Variants in TENM3 observed in about 807,000 individuals in gnomAD.
TENM3 encodes the protein teneurin-3.
A neutral mutation model predicts 255.1 loss-of-function variants in TENM3; 63 were observed. The observed-to-expected ratio is 0.25, with a 90% confidence interval of 0.20 to 0.30. TENM3 has a LOEUF of 0.30. Among genes scored for constraint, TENM3 ranks in the 10% least tolerant of loss-of-function variants. The pLI is 1.00. For synonymous variants in TENM3, 1,306 were observed against 1,322.3 expected, an observed-to-expected ratio of 0.99 and a Z score of 0.27; for missense variants, 2,929 against 3,461.1, an observed-to-expected ratio of 0.85 and a Z score of 3.86.
intron 2 of TENM3, among the ~76,000 whole-genome samples, chr4:182,334,871 C>G (rs754662331): frequency 1.2e-4 from 18 of 152,126 alleles, no homozygotes; most frequent in Non-Finnish European, 2.1e-4. Flanking sequence ...ATAGGAATGA[C>G]TTGAGCCATG....
At chr4:181,995,596 A>G in the TENM3 span, among the ~76,000 whole-genome samples, 1 of 152,174 alleles carries the variant, frequency 6.6e-6, no homozygotes, top group South Asian at 2.1e-4. Flanking sequence ...GGTTGTCCTA[A>G]GCTTAATTAA....
the TENM3 span, among the ~76,000 whole-genome samples, chr4:181,901,952 C>A: frequency 1.3e-5 from 2 of 151,988 alleles, no homozygotes; most frequent in Non-Finnish European, 2.9e-5. Flanking sequence ...GGAATTTTCA[C>A]TCATGTGACT....
chr4:182,023,568 T>C, the TENM3 span, among the ~76,000 whole-genome samples: 1 of 152,198 alleles, frequency 6.6e-6, no homozygotes, highest in Non-Finnish European at 1.5e-5. Context: ...CCCTCCTGGT[T>C]TATGACAGCA....
chr4:181,697,614 G>A, the TENM3 span, among the ~76,000 whole-genome samples: 3 of 151,886 alleles, frequency 2.0e-5, no homozygotes, highest in East Asian at 5.9e-4. Flanking sequence ...GGATGGTCTC[G>A]ATCTCCTGAC....
At chr4:181,944,767 C>T in the TENM3 span, among the ~76,000 whole-genome samples, 1 of 152,134 alleles carries the variant, frequency 6.6e-6, no homozygotes, top group African/African-American at 2.4e-5. Context: ...GGCCACCCTC[C>T]TAAGTGTTTG....
chr4:181,544,408 T>TCAAAAAAAAAA, the TENM3 span, among the ~76,000 whole-genome samples: 1 of 68,674 alleles, frequency 1.5e-5, no homozygotes. Flanking sequence ...CCTTCAGGAT[T>TCAAAAAAAAAA]AAAAAAAAAA....
chr4:181,827,242 G>T, the TENM3 span, among the ~76,000 whole-genome samples: 8 of 152,246 alleles, frequency 5.3e-5, no homozygotes, highest in East Asian at 1.4e-3. Context: ...GGAGACAGGG[G>T]TAACTCTTTA....
intron 3 of TENM3, among the ~76,000 whole-genome samples, chr4:182,403,316 A>G (rs1769329132): frequency 6.6e-6 from 1 of 152,246 alleles, no homozygotes; most frequent in Admixed American, 6.5e-5. Flanking sequence ...ATGATGGTAC[A>G]GCTGTAACAA....
At chr4:182,474,279 C>G (rs1733446028) in intron 3 of TENM3, among the ~76,000 whole-genome samples, 1 of 152,128 alleles carries the variant, frequency 6.6e-6, no homozygotes, top group Non-Finnish European at 1.5e-5. Flanking sequence ...TATGTATGAT[C>G]ATATTATGAT....
the TENM3 span, among the ~76,000 whole-genome samples, chr4:181,888,516 G>GTATATATATA: frequency 3.1e-4 from 13 of 41,510 alleles, 1 homozygote; most frequent in Non-Finnish European, 3.9e-4. Flanking sequence ...ATATATATAT[G>GTATATATATA]TATATATATA....
intron 4 of TENM3, among the ~76,000 whole-genome samples, chr4:182,607,335 TACTAGATTA>T (rs1252886992): frequency 6.6e-6 from 1 of 152,224 alleles, no homozygotes. Context: ...TGGTTAATTT[TACTAGATTA>T]AAATCTCTTA....
chr4:182,362,555 C>A (rs981977264), intron 3 of TENM3, among the ~76,000 whole-genome samples: 1 of 152,172 alleles, frequency 6.6e-6, no homozygotes, highest in African/African-American at 2.4e-5. Flanking sequence ...CCTGGTGCGC[C>A]GTTTTTTTAA....
intron 1 of TENM3, among the ~76,000 whole-genome samples, chr4:182,297,970 G>A (rs66865328): frequency 0.11 from 16,713 of 152,164 alleles, 1,101 homozygotes; most frequent in Middle Eastern, 0.22. Flanking sequence ...CCTGTGCTGC[G>A]GCTTCTGCCC....
the TENM3 span, among the ~76,000 whole-genome samples, chr4:181,588,276 G>A: frequency 6.6e-6 from 1 of 152,196 alleles, no homozygotes; most frequent in Non-Finnish European, 1.5e-5. Flanking sequence ...TCCCTAGGAA[G>A]GGATACTCTT....
the TENM3 span, among the ~76,000 whole-genome samples, chr4:181,681,496 C>A: frequency 1.3e-5 from 2 of 152,072 alleles, no homozygotes; most frequent in African/African-American, 4.8e-5. Flanking sequence ...TTGCTACCCA[C>A]AACTAGAAAG....
At chr4:182,054,298 A>T in the TENM3 span, among the ~76,000 whole-genome samples, 4 of 152,158 alleles carry the variant, frequency 2.6e-5, no homozygotes, top group Non-Finnish European at 4.4e-5. Context: ...TATTTATTGT[A>T]TGTCTGTAAG....
Position 182,223,802 on chromosome 4 carries a change from G to A in TENM3, c.-76+79048G>A, listed in dbSNP as rs79489947. Reference sequence around the variant, plus strand: ...GATTGGCAAAAAAAAAAAAAAAAAAGGAATGGAATTGACTGGTAAATTATT... The same window carrying A: ...GATTGGCAAAAAAAAAAAAAAAAAAAGAATGGAATTGACTGGTAAATTATT... On this transcript the variant is annotated intron_variant, in intron 1 of 2. Transcript: ENST00000512480. 1.4e-3 allele frequency among the ~76,000 whole-genome samples: 105 copies of A among 73,550 alleles called. 1 individual carries two copies. The highest frequency in any genetic ancestry group is 7.2e-3 in the Middle Eastern group (1 of 138). The allele number at this position is 73,550 out of a possible 152,430, so 48.3% of individuals were successfully genotyped here.
Position 182,779,930 on chromosome 4 carries a change from A to C in TENM3, c.5304+4777A>C, listed in dbSNP as rs1162032700. Among the ~76,000 whole-genome samples, 3 of 151,382 alleles carry C rather than the reference A, an allele frequency of 2.0e-5. 1 individual carries two copies. The highest frequency in any genetic ancestry group is 4.4e-5 in the Non-Finnish European group (3 of 67,864). ...TGTTTTTTTCTTGTAAATTTGTTTG[A>C]GTTCATTGTAGATTCTGGATATTAG... On this transcript the variant is annotated intron_variant, in intron 24 of 27. Coordinates refer to ENST00000511685, the MANE Select transcript of TENM3 (RefSeq NM_001080477.4).
the TENM3 span, among the ~76,000 whole-genome samples, chr4:181,604,364 A>G: frequency 3.3e-5 from 5 of 152,348 alleles, no homozygotes; most frequent in East Asian, 9.7e-4. Flanking sequence ...GCAAAACAAA[A>G]CAAAAATCAG....
Sources: allele counts gnomAD v4.1 joint callset (sites outside exome capture counted in the v4.1 genomes callset), GRCh38; gene constraint gnomAD v4.1.1; transcripts MANE v1.5; gene names NCBI Gene and HGNC (gene_info 2026-07-23, HGNC 2026-07-21).